The following LRRC17 variants were observed in gnomAD, a reference collection of about 807,000 sequenced individuals.
LRRC17 encodes leucine-rich repeat-containing protein 17.
In LRRC17, 33 loss-of-function variants were observed where a neutral mutation model predicts 41.5. That is an observed-to-expected ratio of 0.80 (90% confidence interval 0.60 to 1.06). LRRC17 has a LOEUF of 1.06. Among genes scored for constraint, LRRC17 ranks in the 50% least tolerant of loss-of-function variants. LRRC17 has a pLI of 0.00. For synonymous variants in LRRC17, 192 were observed against 197.0 expected (o/e 0.97, Z 0.21); for missense variants, 491 against 519.3 (o/e 0.95, Z 0.53).
Position 102,934,408 on chromosome 7 carries a change from G to A in LRRC17, c.495G>A (p.Trp165Ter), listed in dbSNP as rs775752357. Reference sequence around the variant, plus strand: ...ACCTGCGTCTTTATGACAACCCCTGGCACTGTACTTGTGAGATAGAAACGC... The same window carrying A: ...ACCTGCGTCTTTATGACAACCCCTGACACTGTACTTGTGAGATAGAAACGC... Reference protein sequence around the residue: ...LSYLRLYDNPWHCTCEIETLI... With the variant: ...LSYLRLYDNP Residue 165 changes from tryptophan (W) to a stop codon, truncating the protein, a stop_gained, in exon 2 of 4, where the codon TGG becomes TGA. Coordinates refer to ENST00000339431, the MANE Select transcript of LRRC17 (RefSeq NM_001031692.3). LOFTEE classifies it high-confidence loss of function. 15 of 1,614,032 alleles carry A rather than the reference G, an allele frequency of 9.3e-6. No homozygotes were observed. The highest frequency in any genetic ancestry group is 1.3e-5 in the African/African-American group (1 of 74,912).
intron 1 of LRRC17, among the ~76,000 whole-genome samples, chr7:102,928,433 G>A (rs1818536737): frequency 6.6e-6 from 1 of 152,204 alleles, no homozygotes; most frequent in Admixed American, 6.5e-5. Context: ...CTTCGAATGA[G>A]TGTTACCCAA....
chr7:102,923,166 G>A (rs1208236023), intron 1 of LRRC17, among the ~76,000 whole-genome samples: 1 of 152,118 alleles, frequency 6.6e-6, no homozygotes, highest in African/African-American at 2.4e-5. Context: ...TTCAAGTATT[G>A]AGAGAATATT....
chr7:102,927,824 G>T (rs1426817324), intron 1 of LRRC17, among the ~76,000 whole-genome samples: 1 of 152,224 alleles, frequency 6.6e-6, no homozygotes, highest in African/African-American at 2.4e-5. Context: ...TTTCCAAAAA[G>T]AATCTAGAGA....
intron 3 of LRRC17, among the ~76,000 whole-genome samples, chr7:102,940,343 G>A (rs916663118): frequency 1.4e-4 from 22 of 151,954 alleles, no homozygotes; most frequent in Admixed American, 5.2e-4. Flanking sequence ...CCAAGTAGCT[G>A]GAACTACAGG....
In LRRC17 at chr7:102,939,461, A is replaced by C. The variant is rs764845983; in HGVS notation, c.804A>C (p.Pro268=). Residue 268 remains proline (P), a synonymous_variant, in exon 3 of 4, where the codon CCA becomes CCC. Coordinates refer to ENST00000339431, the MANE Select transcript of LRRC17 (RefSeq NM_001031692.3). ...ELKKVPNNIP[P]DIVKLDLSYN... ...AAAAAGTGCCAAACAACATCCCTCC[A>C]GATATTGTTAAACTTGACTTGTCAT... 1 of 1,613,142 alleles carries C rather than the reference A, an allele frequency of 6.2e-7. No individual in the cohort carries two copies. Among genetic ancestry groups the C allele is most frequent in the South Asian group, 1.1e-5 (1 of 90,970 alleles).
At chr7:102,932,046 G>T in intron 1 of LRRC17, 2 of 966,220 alleles carry the variant, frequency 2.1e-6, no homozygotes, top group Non-Finnish European at 3.0e-6. Context: ...AAAAACCTTG[G>T]CAAGTAACAT....
At position 102,934,605 on chromosome 7, in the gene LRRC17, C is replaced by G. The variant is rs1183748392; in HGVS notation, c.692C>G (p.Pro231Arg). The G allele has an allele frequency of 1.2e-6, 2 of 1,613,910 alleles. No individual in the cohort carries two copies. Among genetic ancestry groups the G allele is most frequent in the Non-Finnish European group, 1.7e-6 (2 of 1,179,948 alleles). Residue 231 changes from proline (P) to arginine (R), a missense_variant, in exon 2 of 4, where the codon CCA (proline) becomes CGA (arginine). By Grantham distance (103) the Pro-to-Arg change is moderately radical. Coordinates refer to ENST00000339431, the MANE Select transcript of LRRC17 (RefSeq NM_001031692.3). ...DPKPQVSGRP[P>R]VIKPEVDSTF... ...AAACCCCAAGTGTCAGGGAGACCCCCAGTCATCAAGCCTGAGGTGGACTCA... is the reference window on the plus strand; with the variant it reads ...AAACCCCAAGTGTCAGGGAGACCCCGAGTCATCAAGCCTGAGGTGGACTCA...
At chr7:102,929,737 G>A (rs369598040) in intron 1 of LRRC17, among the ~76,000 whole-genome samples, 25 of 151,892 alleles carry the variant, frequency 1.6e-4, no homozygotes, top group East Asian at 1.4e-3. Flanking sequence ...GCATAGGGCC[G>A]GGGGTTGAGA....
chr7:102,933,934 A>C lies in LRRC17; in HGVS notation c.21A>C (p.Val7=), dbSNP rs960851253. The C allele has an allele frequency of 6.2e-7, 1 of 1,610,110 alleles. No individual in the cohort carries two copies. The highest frequency in any genetic ancestry group is 2.2e-5 in the East Asian group (1 of 44,770). MRVVTI[V]ILLCFCKAAE... Reference sequence around the variant, plus strand: ...TCAGGATGCGTGTGGTTACCATTGTAATCTTGCTCTGCTTTTGCAAAGCGG... The same window carrying C: ...TCAGGATGCGTGTGGTTACCATTGTCATCTTGCTCTGCTTTTGCAAAGCGG... Residue 7 remains valine (V), a synonymous_variant, in exon 2 of 4, where the codon GTA becomes GTC. Coordinates refer to ENST00000339431, the MANE Select transcript of LRRC17 (RefSeq NM_001031692.3).
At chr7:102,923,109 G>A (rs1010163059) in intron 1 of LRRC17, among the ~76,000 whole-genome samples, 5 of 152,174 alleles carry the variant, frequency 3.3e-5, no homozygotes, top group African/African-American at 1.2e-4. Context: ...TCCAAAATCT[G>A]CTTGTCAATG....
rs902789055 is a variant in LRRC17, at chr7:102,919,136, C to T, written c.-141+5991C>T. 3.3e-5 allele frequency among the ~76,000 whole-genome samples: 5 copies of T among 152,180 alleles called. No homozygotes were observed. The East Asian group carries it at 9.6e-4, about 29-fold the overall frequency. ...ACATTCAATGACATTGTGTTGATAG[C>T]TTAAAATCGGCCACAGTGGAATTAT... On this transcript the variant is annotated intron_variant, in intron 1 of 3. Coordinates refer to ENST00000339431, the MANE Select transcript of LRRC17 (RefSeq NM_001031692.3).
In LRRC17 at chr7:102,934,103, T is replaced by C; in HGVS notation, c.190T>C (p.Tyr64His). The C allele has an allele frequency of 6.2e-7, 1 of 1,614,108 alleles. No homozygotes were observed. The highest frequency in any genetic ancestry group is 1.1e-5 in the South Asian group (1 of 91,082). Residue 64 changes from tyrosine (Y) to histidine (H), a missense_variant, in exon 2 of 4, where the codon TAC becomes CAC. By Grantham distance (83) the Tyr-to-His change is moderately conservative (BLOSUM62 2). Coordinates refer to ENST00000339431, the MANE Select transcript of LRRC17 (RefSeq NM_001031692.3). The part of the protein sequence containing the change: ...CDVYTYLHEK[Y>H]LDCQERKLVY... ...CGTGTACACATATCTCCATGAGAAA[T>C]ACTTAGATTGTCAAGAAAGAAAATT...
chr7:102,926,701 T>TG (rs1279768264), intron 1 of LRRC17, among the ~76,000 whole-genome samples: 1 of 152,228 alleles, frequency 6.6e-6, no homozygotes, highest in African/African-American at 2.4e-5. Flanking sequence ...CAAACACTTC[T>TG]GACTCTTCAT....
chr7:102,919,694 G>C (rs1459963162), intron 1 of LRRC17, among the ~76,000 whole-genome samples: 2 of 152,134 alleles, frequency 1.3e-5, no homozygotes, highest in East Asian at 3.8e-4. Context: ...GGGTTTTAAA[G>C]ATAAAATACA....
chr7:102,935,754 C>T (rs1585027445), intron 2 of LRRC17, among the ~76,000 whole-genome samples: 1 of 152,124 alleles, frequency 6.6e-6, no homozygotes, highest in Admixed American at 6.5e-5. Context: ...TGTTTCATTT[C>T]TGGCATGGTT....
At chr7:102,940,931 G>A (rs1821305958) in intron 3 of LRRC17, among the ~76,000 whole-genome samples, 1 of 152,124 alleles carries the variant, frequency 6.6e-6, no homozygotes, top group African/African-American at 2.4e-5. Context: ...AACATTTTGA[G>A]TACAACTGTT....
At chr7:102,937,422 G>A (rs989337704) in intron 2 of LRRC17, among the ~76,000 whole-genome samples, 2 of 146,244 alleles carry the variant, frequency 1.4e-5, no homozygotes, top group African/African-American at 5.1e-5. Context: ...CATGAGAATC[G>A]CTTGAACTCT....
intron 1 of LRRC17, chr7:102,926,176 T>C (rs1271070369): frequency 5.4e-6 from 5 of 927,010 alleles, no homozygotes; most frequent in Non-Finnish European, 8.2e-6. Context: ...TGGTGGGGTG[T>C]TGATAAAGGG....
At chr7:102,930,866 G>A (rs906885132) in intron 1 of LRRC17, among the ~76,000 whole-genome samples, 1 of 152,058 alleles carries the variant, frequency 6.6e-6, no homozygotes, top group African/African-American at 2.4e-5. Flanking sequence ...TTGCCTACTT[G>A]GTATCTCCAG....
Sources: allele counts gnomAD v4.1 joint callset (sites outside exome capture counted in the v4.1 genomes callset), GRCh38; gene constraint gnomAD v4.1.1; transcripts MANE v1.5; gene names NCBI Gene and HGNC (gene_info 2026-07-23, HGNC 2026-07-21).